The following R3HDM2 variants were observed in gnomAD, a reference collection of about 807,000 sequenced individuals.
R3HDM2 encodes R3H domain-containing protein 2.
A neutral mutation model predicts 124.5 loss-of-function variants in R3HDM2; 38 were observed. That is an observed-to-expected ratio of 0.31 (90% confidence interval 0.24 to 0.40). The LOEUF (loss-of-function observed/expected upper bound fraction) is 0.40, where lower values mean the gene tolerates loss of function less well. Among genes scored for constraint, R3HDM2 ranks in the 10% least tolerant of loss-of-function variants. The pLI is 1.00. For missense variants in R3HDM2, 869 were observed against 1,236.9 expected, an observed-to-expected ratio of 0.70 and a Z score of 4.46; for synonymous variants, 391 against 448.0, an observed-to-expected ratio of 0.87 and a Z score of 1.61.
At chr12:57,277,824 ATC>A (rs2045209652) in intron 14 of R3HDM2, among the ~76,000 whole-genome samples, 1 of 152,198 alleles carries the variant, frequency 6.6e-6, no homozygotes, top group African/African-American at 2.4e-5. Flanking sequence ...CACTTCTTTA[ATC>A]CTAGCACTGT....
intron 11 of R3HDM2, among the ~76,000 whole-genome samples, chr12:57,290,623 T>A (rs999778555): frequency 3.9e-5 from 6 of 152,224 alleles, no homozygotes; most frequent in South Asian, 4.1e-4. Flanking sequence ...TTTATTTTTT[T>A]ATTTTTTGAG....
chr12:57,359,232 CTATTTTTT>C (rs2061616618), intron 2 of R3HDM2, among the ~76,000 whole-genome samples: 2 of 151,934 alleles, frequency 1.3e-5, no homozygotes, highest in Non-Finnish European at 2.9e-5. Flanking sequence ...GCTAATTTTT[CTATTTTTT>C]TGTAGAGATG....
rs543521058 is a variant in R3HDM2, at chr12:57,394,514, G to C, written c.-36+1235C>G. ...TTGAACCCGGGAGGCGGAGGTTGCA[G>C]TGAGTGAACTGAGATGGCGCATGTA... On this transcript the variant is annotated intron_variant, in intron 2 of 23. Coordinates refer to ENST00000402412, the MANE Select transcript of R3HDM2 (RefSeq NM_001394031.1). 3.9e-5 allele frequency among the ~76,000 whole-genome samples: 6 copies of C among 152,310 alleles called. No homozygotes were observed. In the South Asian group the frequency reaches 6.2e-4, roughly 16 times the overall value.
chr12:57,403,909 G>T (rs1229961445), intron 1 of R3HDM2, among the ~76,000 whole-genome samples: 1 of 151,416 alleles, frequency 6.6e-6, no homozygotes, highest in African/African-American at 2.4e-5. Context: ...AATTCAAACA[G>T]TAAATCCAAA....
intron 1 of R3HDM2, among the ~76,000 whole-genome samples, chr12:57,418,615 G>T (rs1464401137): frequency 6.7e-6 from 1 of 150,158 alleles, no homozygotes; most frequent in African/African-American, 2.5e-5. Flanking sequence ...CTGGAGTACA[G>T]TGGTGCGATC....
At chr12:57,309,747 G>T (rs2053520975) in intron 3 of R3HDM2, among the ~76,000 whole-genome samples, 1 of 152,228 alleles carries the variant, frequency 6.6e-6, no homozygotes, top group Admixed American at 6.5e-5. Flanking sequence ...AAGAACCAGT[G>T]AACTCAGGCC....
chr12:57,383,352 T>G (rs1040475365), intron 2 of R3HDM2, among the ~76,000 whole-genome samples: 4 of 152,206 alleles, frequency 2.6e-5, no homozygotes, highest in South Asian at 2.1e-4. Flanking sequence ...TTTGTGTTAT[T>G]ATTAAGTCTT....
chr12:57,408,346 C>T (rs1169664183), intron 1 of R3HDM2, among the ~76,000 whole-genome samples: 1 of 152,202 alleles, frequency 6.6e-6, no homozygotes, highest in South Asian at 2.1e-4. Flanking sequence ...GGATTATAGG[C>T]ATGAGCCACC....
At chr12:57,298,877 C>T (rs1018787331) in intron 6 of R3HDM2, among the ~76,000 whole-genome samples, 5 of 151,990 alleles carry the variant, frequency 3.3e-5, no homozygotes, top group African/African-American at 1.2e-4. Flanking sequence ...GCAAGAAAAT[C>T]GCTTGAACTC....
intron 2 of R3HDM2, among the ~76,000 whole-genome samples, chr12:57,378,535 G>A (rs559613373): frequency 4.6e-5 from 7 of 152,106 alleles, no homozygotes; most frequent in Admixed American, 6.6e-5. Flanking sequence ...ATGCCACCAC[G>A]ACTGGCTAAT....
intron 1 of R3HDM2, among the ~76,000 whole-genome samples, chr12:57,397,252 G>A (rs2067638827): frequency 6.6e-6 from 1 of 152,104 alleles, no homozygotes; most frequent in South Asian, 2.1e-4. Flanking sequence ...CACCCTAAAA[G>A]CAGTAGTTAT....
At chr12:57,430,638 CGCGCCCGCCCGT>C in intron 1 of R3HDM2, 70 bp downstream of exon 1, 2 of 971,934 alleles carry the variant, frequency 2.1e-6, no homozygotes, top group South Asian at 4.8e-5. Context: ...GGGGCCTCCT[CGCGCCCGCCCGT>C]GCGGCCGCCA....
rs868246171 is a variant in R3HDM2, at chr12:57,421,056, T to C, written c.-106+9664A>G. Reference sequence around the variant, plus strand: ...CACCTTAGCATGGAACCCAGAAAACTAGAAGTCATCCAAGAGCTCATCCTT... The same window carrying C: ...CACCTTAGCATGGAACCCAGAAAACCAGAAGTCATCCAAGAGCTCATCCTT... On this transcript the variant is annotated intron_variant, in intron 1 of 23. Coordinates refer to ENST00000402412, the MANE Select transcript of R3HDM2 (RefSeq NM_001394031.1). Among the ~76,000 whole-genome samples, 9 of 151,984 alleles carry C rather than the reference T, an allele frequency of 5.9e-5. No homozygotes were observed. In the South Asian group the frequency reaches 1.2e-3, roughly 21 times the overall value.
intron 1 of R3HDM2, among the ~76,000 whole-genome samples, chr12:57,407,576 T>C (rs2068641038): frequency 6.6e-6 from 1 of 151,222 alleles, no homozygotes; most frequent in Non-Finnish European, 1.5e-5. Flanking sequence ...CAGCTAATTT[T>C]TTGTGTTTTT....
At chr12:57,369,848 G>T (rs941129119) in intron 2 of R3HDM2, among the ~76,000 whole-genome samples, 1 of 152,066 alleles carries the variant, frequency 6.6e-6, no homozygotes, top group Non-Finnish European at 1.5e-5. Context: ...AGTAATAAAA[G>T]AAAAAGAAGT....
At chr12:57,287,434 T>C (rs954457223) in intron 12 of R3HDM2, among the ~76,000 whole-genome samples, 5 of 152,088 alleles carry the variant, frequency 3.3e-5, no homozygotes, top group Non-Finnish European at 7.4e-5. Flanking sequence ...CAATGCAAGG[T>C]CCTCTCTGCC....
At chr12:57,367,017 A>T (rs1490841410) in intron 2 of R3HDM2, among the ~76,000 whole-genome samples, 2 of 152,108 alleles carry the variant, frequency 1.3e-5, no homozygotes, top group Non-Finnish European at 2.9e-5. Context: ...AGTGACTTAG[A>T]AATAGTTTGA....
intron 1 of R3HDM2, chr12:57,430,487 CTG>C: frequency 1.1e-4 from 101 of 913,394 alleles, no homozygotes; most frequent in South Asian, 1.5e-4. Flanking sequence ...CGCCACCCCC[CTG>C]CCCCCGCACC....
intron 2 of R3HDM2, among the ~76,000 whole-genome samples, chr12:57,385,250 T>C (rs1304961855): frequency 6.6e-6 from 1 of 151,242 alleles, no homozygotes; most frequent in East Asian, 2.0e-4. Flanking sequence ...AAAGACTTTT[T>C]TTTTTTTTTT....
Sources: allele counts gnomAD v4.1 joint callset (sites outside exome capture counted in the v4.1 genomes callset), GRCh38; gene constraint gnomAD v4.1.1; transcripts MANE v1.5; gene names NCBI Gene and HGNC (gene_info 2026-07-23, HGNC 2026-07-21).